KCNH5: variants seen among roughly 807,000 people sequenced by gnomAD.
KCNH5 encodes voltage-gated delayed rectifier potassium channel KCNH5.
KCNH5 carries 46 observed loss-of-function variants against 96.1 expected under a neutral mutation model. That is an observed-to-expected ratio of 0.48 (90% confidence interval 0.38 to 0.61). KCNH5 has a LOEUF of 0.61. KCNH5 is among the 20% of genes least tolerant of loss of function. The pLI is 0.00. For missense variants in KCNH5, 907 were observed against 1,225.8 expected (o/e 0.74, Z 3.88); for synonymous variants, 439 against 449.8 (o/e 0.98, Z 0.30).
At chr14:62,866,154 C>A (rs1188902618) in intron 7 of KCNH5, among the ~76,000 whole-genome samples, 1 of 152,124 alleles carries the variant, frequency 6.6e-6, no homozygotes, top group African/African-American at 2.4e-5. Flanking sequence ...CTATCTTCAG[C>A]CTATTCATTA....
chr14:62,856,737 T>C (rs1887937623), intron 7 of KCNH5, among the ~76,000 whole-genome samples: 2 of 152,042 alleles, frequency 1.3e-5, no homozygotes, highest in Admixed American at 6.6e-5. Flanking sequence ...CCCATATATG[T>C]AGGCACCCTC....
At chr14:62,998,044 G>C (rs1413257040) in intron 4 of KCNH5, among the ~76,000 whole-genome samples, 1 of 152,026 alleles carries the variant, frequency 6.6e-6, no homozygotes, top group Non-Finnish European at 1.5e-5. Flanking sequence ...ATCTGGAAAA[G>C]ACTTGAACTG....
intron 3 of KCNH5, 124 bp from the exon 4 acceptor site, chr14:63,001,583 A>G: frequency 1.3e-6 from 1 of 781,588 alleles, no homozygotes. Context: ...ACACCAAAAC[A>G]ACAGTATATT....
intron 7 of KCNH5, among the ~76,000 whole-genome samples, chr14:62,892,069 A>C (rs1322915918): frequency 1.3e-5 from 2 of 152,196 alleles, no homozygotes; most frequent in Non-Finnish European, 2.9e-5. Flanking sequence ...TTTTAAATCA[A>C]AAGCTAGAAA....
chr14:63,007,057 A>G (rs1891140876), intron 2 of KCNH5, among the ~76,000 whole-genome samples: 1 of 152,210 alleles, frequency 6.6e-6, no homozygotes, highest in African/African-American at 2.4e-5. Context: ...TTGAACATAA[A>G]TGAAGTTATA....
At chr14:62,815,383 T>G (rs1014054065) in intron 8 of KCNH5, among the ~76,000 whole-genome samples, 1 of 152,160 alleles carries the variant, frequency 6.6e-6, no homozygotes, top group African/African-American at 2.4e-5. Flanking sequence ...TGTGAAATTT[T>G]ATCAAACTAT....
chr14:62,818,116 G>C (rs867907274), intron 8 of KCNH5, among the ~76,000 whole-genome samples: 20 of 120,426 alleles, frequency 1.7e-4, no homozygotes, highest in African/African-American at 5.8e-4. Context: ...GGGCGGGGGG[G>C]GGGTGGAAGA....
At chr14:62,820,778 G>A (rs1887099272) in intron 8 of KCNH5, among the ~76,000 whole-genome samples, 3 of 151,924 alleles carry the variant, frequency 2.0e-5, no homozygotes, top group Non-Finnish European at 4.4e-5. Context: ...CTTTGCTATT[G>A]TGAATAGTGA....
intron 7 of KCNH5, among the ~76,000 whole-genome samples, chr14:62,911,511 G>C (rs1889154365): frequency 6.6e-6 from 1 of 151,688 alleles, no homozygotes; most frequent in Non-Finnish European, 1.5e-5. Context: ...AAATGATCAG[G>C]AATAGACAAA....
At chr14:62,858,656 T>G (rs1413335262) in intron 7 of KCNH5, among the ~76,000 whole-genome samples, 2 of 152,144 alleles carry the variant, frequency 1.3e-5, no homozygotes, top group Non-Finnish European at 2.9e-5. Context: ...GAATGTAATA[T>G]CGCAGGAACA....
At chr14:62,888,995 G>A (rs1888651583) in intron 7 of KCNH5, among the ~76,000 whole-genome samples, 1 of 152,178 alleles carries the variant, frequency 6.6e-6, no homozygotes, top group Non-Finnish European at 1.5e-5. Flanking sequence ...ATCCTTAAGT[G>A]CCAGCTGCAA....
intron 1 of KCNH5, among the ~76,000 whole-genome samples, chr14:63,018,328 G>A (rs550851167): frequency 6.6e-6 from 1 of 152,072 alleles, no homozygotes; most frequent in South Asian, 2.1e-4. Context: ...GCAACTTGGA[G>A]TTGGGGAAAT....
chr14:62,791,670 G>A (rs1395186483), intron 9 of KCNH5, among the ~76,000 whole-genome samples: 1 of 151,592 alleles, frequency 6.6e-6, no homozygotes, highest in African/African-American at 2.4e-5. Flanking sequence ...ACTGTCACAA[G>A]AGACAAATAA....
At chr14:62,716,745 G>A (rs56212231) in intron 10 of KCNH5, among the ~76,000 whole-genome samples, 50,659 of 151,988 alleles carry the variant, frequency 0.33, 8,742 homozygotes, top group South Asian at 0.51. Context: ...AAAGAGAGGC[G>A]CAGGTATGAT....
intron 7 of KCNH5, among the ~76,000 whole-genome samples, chr14:62,940,861 TA>T (rs1595693160): frequency 1.3e-5 from 2 of 152,208 alleles, no homozygotes; most frequent in East Asian, 3.9e-4. Context: ...AAGTAGGAGA[TA>T]ATGCTTTGTG....
chr14:62,795,220 A>ACTCT, intron 9 of KCNH5, among the ~76,000 whole-genome samples: 1 of 152,140 alleles, frequency 6.6e-6, no homozygotes, highest in African/African-American at 2.4e-5. Context: ...GAAATTGGCA[A>ACTCT]GTGAGTCAAC....
At chr14:62,840,106 G>C (rs891919681) in intron 8 of KCNH5, among the ~76,000 whole-genome samples, 1 of 152,042 alleles carries the variant, frequency 6.6e-6, no homozygotes, top group African/African-American at 2.4e-5. Context: ...TCTATAGCAA[G>C]GACCACAAAA....
chr14:62,990,587 A>T (rs1410242016), intron 4 of KCNH5, among the ~76,000 whole-genome samples: 1 of 152,138 alleles, frequency 6.6e-6, no homozygotes, highest in Non-Finnish European at 1.5e-5. Flanking sequence ...AGGTAATATT[A>T]ACCCATCATT....
intron 10 of KCNH5, among the ~76,000 whole-genome samples, chr14:62,778,558 G>C (rs905456068): frequency 6.6e-6 from 1 of 152,208 alleles, no homozygotes; most frequent in Non-Finnish European, 1.5e-5. Flanking sequence ...TCCACATTTA[G>C]TTAATATTTA....
Sources: gnomAD v4.1 joint callset for allele counts (sites outside exome capture counted in the v4.1 genomes callset) on GRCh38, gnomAD v4.1.1 for gene constraint, MANE v1.5 for transcripts, NCBI Gene and HGNC (gene_info 2026-07-23, HGNC 2026-07-21) for gene names.